The following ATP8A2 variants were observed in gnomAD, a reference collection of about 807,000 sequenced individuals.
ATP8A2 encodes ATPase phospholipid transporting 8A2.
In ATP8A2, 100 loss-of-function variants were observed where a neutral mutation model predicts 165.6. The observed-to-expected ratio is 0.60, with a 90% CI of 0.51 to 0.71. The LOEUF (loss-of-function observed/expected upper bound fraction) is 0.71. ATP8A2 is among the 30% of genes least tolerant of loss of function. ATP8A2 has a pLI of 0.00. For missense variants in ATP8A2, 1,227 were observed against 1,479.5 expected (o/e 0.83, Z 2.80); for synonymous variants, 543 against 548.8 (o/e 0.99, Z 0.15).
At chr13:25,567,492 G>A (rs778120517) in intron 16 of ATP8A2, 1 of 430,042 alleles carries the variant, frequency 2.3e-6, no homozygotes, top group Non-Finnish European at 4.7e-6. Flanking sequence ...GCCATTGAGA[G>A]TAGGGACAGG....
intron 33 of ATP8A2, among the ~76,000 whole-genome samples, chr13:25,886,661 A>G (rs1396500369): frequency 6.6e-6 from 1 of 152,222 alleles, no homozygotes; most frequent in African/African-American, 2.4e-5. Flanking sequence ...GGCCCACTCC[A>G]TGGAAATCTC....
chr13:25,478,160 C>A (rs1052068585), intron 2 of ATP8A2, among the ~76,000 whole-genome samples: 1 of 151,252 alleles, frequency 6.6e-6, no homozygotes, highest in African/African-American at 2.4e-5. Flanking sequence ...ATGGGAAAAC[C>A]CTTACTCTCG....
chr13:25,565,651 T>G (rs552254056), intron 16 of ATP8A2, among the ~76,000 whole-genome samples: 1 of 152,248 alleles, frequency 6.6e-6, no homozygotes, highest in Non-Finnish European at 1.5e-5. Context: ...ATGCATAGAT[T>G]GTGAAGATTT....
chr13:25,979,414 C>T (rs939093189), intron 35 of ATP8A2, among the ~76,000 whole-genome samples: 2 of 152,162 alleles, frequency 1.3e-5, no homozygotes, highest in Non-Finnish European at 2.9e-5. Context: ...GAATGACTGT[C>T]ACAGAGCCTG....
chr13:25,482,519 C>T (rs1489239896), intron 2 of ATP8A2, among the ~76,000 whole-genome samples: 3 of 151,974 alleles, frequency 2.0e-5, no homozygotes, highest in Non-Finnish European at 1.5e-5. Context: ...CATGGGGAAC[C>T]CCATGTGCAG....
At position 25,570,819 on chromosome 13, in the gene ATP8A2, C is replaced by T; in HGVS notation, c.1526C>T (p.Thr509Met). 8 of 1,613,768 alleles carry T rather than the reference C, an allele frequency of 5.0e-6. No individual in the cohort carries two copies. The highest frequency in any genetic ancestry group is 2.2e-5 in the East Asian group (1 of 44,874). Residue 509 changes from threonine to methionine, a missense_variant, in exon 17 of 37, where the codon ACG (threonine) becomes ATG (methionine). Around this residue, in one of 5 missense-constraint regions of ATP8A2, gnomAD observed 592 missense variants for 785.6 expected, o/e 0.75. Coordinates refer to ENST00000381655, the MANE Select transcript of ATP8A2 (RefSeq NM_016529.6). ...CTCACCCTTCTGGCCGTGTGCCACA[C>T]GGTTGTTCCTGAGAAGGATGGAGAT... The part of the protein sequence containing the change: ...EFLTLLAVCH[T>M]VVPEKDGDNI...
chr13:25,679,844 T>C (rs1185516814), intron 24 of ATP8A2, among the ~76,000 whole-genome samples: 1 of 152,012 alleles, frequency 6.6e-6, no homozygotes, highest in African/African-American at 2.4e-5. Flanking sequence ...ATAGATTGAG[T>C]TGAGAACATA....
intron 35 of ATP8A2, among the ~76,000 whole-genome samples, chr13:25,979,160 C>A (rs1234236982): frequency 1.3e-5 from 2 of 152,112 alleles, no homozygotes; most frequent in Non-Finnish European, 2.9e-5. Context: ...CCAGTTAGGT[C>A]ACGGGTGAAT....
intron 30 of ATP8A2, among the ~76,000 whole-genome samples, chr13:25,852,266 A>G (rs1403526134): frequency 6.6e-6 from 1 of 152,130 alleles, no homozygotes; most frequent in Admixed American, 6.5e-5. Flanking sequence ...GATGGGTGCT[A>G]CTGGCATCTA....
chr13:25,421,099 C>T lies in ATP8A2; in HGVS notation c.77-47878C>T, dbSNP rs563638540. On this transcript the variant is annotated intron_variant, in intron 1 of 36. Transcript: ENST00000381655. ...TATAATTCTAGATCAACAGAGAGCTCACATTCTTTAGAAATATTACTAATC... is the reference window on the plus strand; with the variant it reads ...TATAATTCTAGATCAACAGAGAGCTTACATTCTTTAGAAATATTACTAATC... Among the ~76,000 whole-genome samples the T allele has an allele frequency of 2.6e-5, 4 of 152,312 alleles. 1 individual carries two copies. In the South Asian group the frequency reaches 8.3e-4, roughly 32 times the overall value.
intron 1 of ATP8A2, among the ~76,000 whole-genome samples, chr13:25,373,008 A>G (rs2032482372): frequency 6.6e-6 from 1 of 152,072 alleles, no homozygotes; most frequent in South Asian, 2.1e-4. Flanking sequence ...GACCACTCAC[A>G]CTGTTAGAGG....
At chr13:25,601,555 C>A (rs187528576) in intron 24 of ATP8A2, among the ~76,000 whole-genome samples, 78 of 152,358 alleles carry the variant, frequency 5.1e-4, no homozygotes, top group African/African-American at 1.8e-3. Flanking sequence ...ACCTCTGCCT[C>A]CTGGGTTCAC....
chr13:25,566,011 A>G (rs1171391808), intron 16 of ATP8A2, among the ~76,000 whole-genome samples: 1 of 152,178 alleles, frequency 6.6e-6, no homozygotes, highest in Non-Finnish European at 1.5e-5. Context: ...GCAAAATTAA[A>G]AGTTTATCTT....
At chr13:25,713,304 G>A (rs1237955302) in intron 25 of ATP8A2, among the ~76,000 whole-genome samples, 1 of 152,080 alleles carries the variant, frequency 6.6e-6, no homozygotes, top group African/African-American at 2.4e-5. Flanking sequence ...TTCTGATAGG[G>A]CTAAGAGGCA....
chr13:25,400,711 A>G (rs1383556267), intron 1 of ATP8A2, among the ~76,000 whole-genome samples: 2 of 152,224 alleles, frequency 1.3e-5, no homozygotes, highest in Admixed American at 6.5e-5. Flanking sequence ...ACCAGACAGC[A>G]TGAGGTCACA....
chr13:25,965,032 G>A lies in ATP8A2; in HGVS notation c.3272+3369G>A, dbSNP rs909260066. 2.0e-4 allele frequency among the ~76,000 whole-genome samples: 30 copies of A among 152,162 alleles called. 1 individual carries two copies. Among genetic ancestry groups the A allele is most frequent in the Non-Finnish European group, 7.3e-5 (5 of 68,032 alleles). On this transcript the variant is annotated intron_variant, in intron 34 of 36. Transcript: ENST00000381655. Reference sequence around the variant, plus strand: ...AAATTAGTTGGGCATGATGGCGAGTGCCTGTAATCCCAGCTACTCAGGAGG... The same window carrying A: ...AAATTAGTTGGGCATGATGGCGAGTACCTGTAATCCCAGCTACTCAGGAGG...
chr13:25,660,937 A>G lies in ATP8A2; in HGVS notation c.2212-38236A>G, dbSNP rs553411771. ...GCAGTGCAGACTTTATTCGATGGTC[A>G]TGGAATGGAGAAGTGGGAGCGTAGC... On this transcript the variant is annotated intron_variant, in intron 24 of 36. Transcript: ENST00000381655. 6.6e-5 allele frequency among the ~76,000 whole-genome samples: 10 copies of G among 152,284 alleles called. No individual in the cohort carries two copies. The South Asian group carries it at 1.9e-3, about 28-fold the overall frequency.
chr13:25,579,663 A>T, intron 21 of ATP8A2, 145 bp from the exon 22 acceptor site: 2 of 794,176 alleles, frequency 2.5e-6, no homozygotes, highest in Non-Finnish European at 4.1e-6. Flanking sequence ...GTCCCTTGGT[A>T]GATGTGGGAG....
intron 33 of ATP8A2, among the ~76,000 whole-genome samples, chr13:25,913,454 T>C (rs1954179835): frequency 6.6e-6 from 1 of 152,248 alleles, no homozygotes; most frequent in South Asian, 2.1e-4. Flanking sequence ...ATATACTTTT[T>C]TCTAGTGCAT....
Sources: gnomAD v4.1 joint callset for allele counts (sites outside exome capture counted in the v4.1 genomes callset) on GRCh38, gnomAD v4.1.1 for gene constraint, gnomAD v4.1.1 regional missense constraint, MANE v1.5 for transcripts, NCBI Gene and HGNC (gene_info 2026-07-23, HGNC 2026-07-21) for gene names.